EEPD1: variants seen among roughly 807,000 people sequenced by gnomAD.
EEPD1 encodes endonuclease/exonuclease/phosphatase family domain containing 1.
A neutral mutation model predicts 46.3 loss-of-function variants in EEPD1; 17 were observed. That is an observed-to-expected ratio of 0.37 (90% CI 0.25 to 0.55). The LOEUF (loss-of-function observed/expected upper bound fraction) is 0.55, where lower values mean the gene tolerates loss of function less well. Among genes scored for constraint, EEPD1 ranks in the 20% least tolerant of loss-of-function variants. The pLI is 0.83. For synonymous variants in EEPD1, 313 were observed against 315.6 expected (o/e 0.99, Z 0.09); for missense variants, 673 against 745.6 (o/e 0.90, Z 1.13).
chr7:36,291,088 C>G (rs1206644630), intron 6 of EEPD1, among the ~76,000 whole-genome samples: 1 of 152,254 alleles, frequency 6.6e-6, no homozygotes, highest in Non-Finnish European at 1.5e-5. Context: ...ACCAGCGTCT[C>G]TCCTGGCTTT....
intron 3 of EEPD1, among the ~76,000 whole-genome samples, chr7:36,268,695 T>C (rs1787060059): frequency 6.6e-6 from 1 of 152,160 alleles, no homozygotes; most frequent in African/African-American, 2.4e-5. Context: ...GATCTGTCTC[T>C]CTGTAGTCTA....
intron 2 of EEPD1, among the ~76,000 whole-genome samples, chr7:36,202,728 A>G (rs1785735020): frequency 6.6e-6 from 1 of 152,090 alleles, no homozygotes; most frequent in African/African-American, 2.4e-5. Context: ...AATCTTCACC[A>G]TGACCCTGCA....
chr7:36,253,406 A>G (rs1331994239), intron 3 of EEPD1, among the ~76,000 whole-genome samples: 2 of 152,164 alleles, frequency 1.3e-5, no homozygotes, highest in Non-Finnish European at 2.9e-5. Context: ...CTTCAGAAAA[A>G]TGTGTATTCT....
chr7:36,280,839 G>T (rs533304387), intron 3 of EEPD1, among the ~76,000 whole-genome samples: 25 of 152,364 alleles, frequency 1.6e-4, no homozygotes, highest in Admixed American at 5.9e-4. Context: ...TGTTTGGGCA[G>T]GAATGCTACA....
intron 2 of EEPD1, among the ~76,000 whole-genome samples, chr7:36,186,125 C>T (rs559846306): frequency 6.6e-6 from 1 of 152,258 alleles, no homozygotes; most frequent in African/African-American, 2.4e-5. Flanking sequence ...GCTTTGCATT[C>T]CCCCGGATCC....
chr7:36,179,276 C>T (rs886486898), intron 2 of EEPD1, among the ~76,000 whole-genome samples: 1 of 152,138 alleles, frequency 6.6e-6, no homozygotes, highest in South Asian at 2.1e-4. Context: ...TATGTTATCC[C>T]ATCTTTAAAG....
At position 36,154,615 on chromosome 7, in the gene EEPD1, G is replaced by C; in HGVS notation, c.291G>C (p.Glu97Asp). ...GATKLEQVKF[E>D]ICVSSKGSSA... The stretch of plus-strand genomic sequence containing the variant: ...CCAAGCTGGAGCAGGTCAAGTTTGA[G>C]ATCTGTGTGAGCAGCAAGGGCAGCT... The change falls in exon 2 of 8, where the codon GAG (glutamate) becomes GAC (aspartate). Residue 97 changes from glutamate (E) to aspartate (D), a missense_variant. Physicochemically the swap from Glu to Asp is conservative, Grantham distance 45 (BLOSUM62 2). Coordinates refer to ENST00000242108, the MANE Select transcript of EEPD1 (RefSeq NM_030636.3). This position sits in a 1 kb window ranked among gnomAD's most constrained non-coding sequence, Gnocchi z 4.2. The C allele has an allele frequency of 6.2e-7, 1 of 1,614,064 alleles. No homozygotes were observed. Among genetic ancestry groups the C allele is most frequent in the Non-Finnish European group, 8.5e-7 (1 of 1,180,014 alleles).
At chr7:36,286,881 C>G (rs1225561690) in intron 5 of EEPD1, among the ~76,000 whole-genome samples, 1 of 152,150 alleles carries the variant, frequency 6.6e-6, no homozygotes, top group African/African-American at 2.4e-5. Context: ...GTTGGCCAAG[C>G]TGGTCTCAAA....
At chr7:36,273,641 C>A (rs1472234041) in intron 3 of EEPD1, among the ~76,000 whole-genome samples, 1 of 152,128 alleles carries the variant, frequency 6.6e-6, no homozygotes, top group East Asian at 1.9e-4. Flanking sequence ...TGTATGCTAG[C>A]CCCTCCCTCC....
At chr7:36,192,451 C>T (rs534340675) in intron 2 of EEPD1, among the ~76,000 whole-genome samples, 1 of 152,096 alleles carries the variant, frequency 6.6e-6, no homozygotes, top group Non-Finnish European at 1.5e-5. Context: ...TTCTTTGTGT[C>T]CAATTTCCAG....
chr7:36,258,397 A>G (rs1176256293), intron 3 of EEPD1, among the ~76,000 whole-genome samples: 1 of 152,196 alleles, frequency 6.6e-6, no homozygotes, highest in Non-Finnish European at 1.5e-5. Context: ...GCAGGCAGGA[A>G]CACTTAAGTC....
chr7:36,273,129 TACACACACACACACACACAC>T (rs10578694), intron 3 of EEPD1, among the ~76,000 whole-genome samples: 4 of 148,438 alleles, frequency 2.7e-5, no homozygotes, highest in African/African-American at 9.9e-5. Flanking sequence ...GGTGCATGCT[TACACACACACACACACACAC>T]ACACACACAC....
rs770515834 is a variant in EEPD1, at chr7:36,154,661, T to A, written c.337T>A (p.Ser113Thr). 5.6e-6 allele frequency: 9 copies of A among 1,613,618 alleles called. No homozygotes were observed. In the African/African-American group the frequency reaches 1.1e-4, roughly 19 times the overall value. ...CAGCTCAGCGCAGCACTCTCCCAGT[T>A]CCCTGCGGCGGGACCTGCTAGCGGA... ...KGSSAQHSPS[S>T]LRRDLLAEQQ... Residue 113 changes from serine to threonine, a missense_variant, in exon 2 of 8, where the codon TCC (serine) becomes ACC (threonine). Transcript: ENST00000242108. The surrounding 1 kb of genome is among the most constrained non-coding windows in gnomAD (Gnocchi z 4.2).
At position 36,179,760 on chromosome 7, in the gene EEPD1, T is replaced by C. The variant is rs117663831; in HGVS notation, c.878+24558T>C. On this transcript the variant is annotated intron_variant, in intron 2 of 7. Coordinates refer to ENST00000242108, the MANE Select transcript of EEPD1 (RefSeq NM_030636.3). Reference sequence around the variant, plus strand: ...TGGTGGCGCATGCCTGTGAGGATAATGATTACGTAGAACTGTATCTGTACA... The same window carrying C: ...TGGTGGCGCATGCCTGTGAGGATAACGATTACGTAGAACTGTATCTGTACA... 8.4e-3 allele frequency among the ~76,000 whole-genome samples: 1,247 copies of C among 149,200 alleles called. 6 individuals are homozygous for C. The highest frequency in any genetic ancestry group is 0.022 in the Middle Eastern group (6 of 278).
chr7:36,200,474 A>G (rs867081140), intron 2 of EEPD1, among the ~76,000 whole-genome samples: 8 of 152,306 alleles, frequency 5.3e-5, no homozygotes, highest in Middle Eastern at 6.8e-3. Context: ...TCTAAGATTT[A>G]TGGGTATTTT....
chr7:36,204,354 A>G (rs546772327), intron 2 of EEPD1, among the ~76,000 whole-genome samples: 3 of 152,300 alleles, frequency 2.0e-5, no homozygotes, highest in African/African-American at 7.2e-5. Context: ...CCTTTTAAGT[A>G]GCATTTACAA....
chr7:36,192,990 G>A (rs1025327685), intron 2 of EEPD1, among the ~76,000 whole-genome samples: 4 of 152,230 alleles, frequency 2.6e-5, no homozygotes, highest in African/African-American at 9.6e-5. Context: ...TCACTGGAGT[G>A]GGGATGCGCA....
chr7:36,220,805 GT>G (rs1477434707), intron 2 of EEPD1, among the ~76,000 whole-genome samples: 1 of 152,094 alleles, frequency 6.6e-6, no homozygotes, highest in African/African-American at 2.4e-5. Context: ...GTTTTGTTTT[GT>G]TTTGTTTTTT....
At chr7:36,244,955 GT>G (rs1031959364) in intron 3 of EEPD1, among the ~76,000 whole-genome samples, 2 of 145,114 alleles carry the variant, frequency 1.4e-5, no homozygotes, top group African/African-American at 2.6e-5. Flanking sequence ...TTTTTTTGTT[GT>G]TTTTTTTGAG....
Sources: gnomAD v4.1 joint callset for allele counts (sites outside exome capture counted in the v4.1 genomes callset) on GRCh38, gnomAD v4.1.1 for gene constraint, Gnocchi (gnomAD v3.1) non-coding constraint, MANE v1.5 for transcripts, NCBI Gene and HGNC (gene_info 2026-07-23, HGNC 2026-07-21) for gene names.